MYOF: variants seen among roughly 807,000 people sequenced by gnomAD.
MYOF encodes the protein fer-1-like 3, myoferlin.
A neutral mutation model predicts 284.2 loss-of-function variants in MYOF; 244 were observed. That is an observed-to-expected ratio of 0.86 (90% CI 0.77 to 0.95). MYOF has a LOEUF of 0.95. Among genes scored for constraint, MYOF ranks in the 40% least tolerant of loss-of-function variants. The pLI, the probability that MYOF is intolerant of heterozygous loss-of-function variation, is 0.00. For missense variants in MYOF, 2,496 were observed against 2,560.6 expected (o/e 0.97, Z 0.54); for synonymous variants, 904 against 919.7 (o/e 0.98, Z 0.31).
chr10:93,413,540 C>T (rs1847990780), intron 5 of MYOF, among the ~76,000 whole-genome samples: 4 of 152,164 alleles, frequency 2.6e-5, no homozygotes, highest in Non-Finnish European at 5.9e-5. Context: ...GAATGTGATC[C>T]ACAGCCAAGT....
chr10:93,433,272 C>T (rs1227155204), intron 3 of MYOF, among the ~76,000 whole-genome samples: 1 of 152,194 alleles, frequency 6.6e-6, no homozygotes, highest in East Asian at 1.9e-4. Flanking sequence ...ATTCTCCTGC[C>T]TTAGCCCCTC....
intron 2 of MYOF, among the ~76,000 whole-genome samples, chr10:93,455,931 A>G (rs1463360833): frequency 2.0e-5 from 3 of 152,222 alleles, no homozygotes; most frequent in Non-Finnish European, 4.4e-5. Context: ...GAGAGAGAGT[A>G]GGAAAATCCT....
At chr10:93,438,017 C>T (rs925095631) in intron 3 of MYOF, among the ~76,000 whole-genome samples, 37 of 152,216 alleles carry the variant, frequency 2.4e-4, no homozygotes, top group African/African-American at 8.7e-4. Context: ...GAGAATCCTA[C>T]TCGGTCAGTT....
intron 28 of MYOF, among the ~76,000 whole-genome samples, chr10:93,360,266 A>G (rs1845005450): frequency 1.3e-5 from 2 of 152,210 alleles, no homozygotes; most frequent in Non-Finnish European, 2.9e-5. Context: ...ACAGTTCAAG[A>G]GGCAGGAAGA....
chr10:93,307,188 A>ACCCG (rs1842139235), intron 53 of MYOF, among the ~76,000 whole-genome samples, 187 bp from the exon 54 acceptor site: 3 of 112,058 alleles, frequency 2.7e-5, no homozygotes, highest in African/African-American at 9.2e-5. Flanking sequence ...TGCCAGTAGC[A>ACCCG]CCCCCCCGCC....
At chr10:93,383,786 A>C (rs1846232040) in intron 19 of MYOF, among the ~76,000 whole-genome samples, 2 of 152,208 alleles carry the variant, frequency 1.3e-5, no homozygotes, top group South Asian at 2.1e-4. Context: ...ACCGGTATTT[A>C]AGCCAGAGCC....
chr10:93,308,511 G>A (rs1842232340), intron 53 of MYOF, among the ~76,000 whole-genome samples: 1 of 148,194 alleles, frequency 6.7e-6, no homozygotes, highest in African/African-American at 2.5e-5. Context: ...CTTGAACCTG[G>A]GAGGCGGAGG....
rs142561946 is a variant in MYOF at position 93,449,890 on chromosome 10, C to T, written c.236+2160G>A. ...TCATCAAAGGCGAAGATGGGAGTGCCTATCAAAGCACTGTCCAGGGAGTCC... is the reference window on the plus strand; with the variant it reads ...TCATCAAAGGCGAAGATGGGAGTGCTTATCAAAGCACTGTCCAGGGAGTCC... On this transcript the variant is annotated intron_variant, in intron 3 of 53. Transcript: ENST00000359263. Among the ~76,000 whole-genome samples, 7 of 152,226 alleles carry T rather than the reference C, an allele frequency of 4.6e-5. No individual in the cohort carries two copies. The East Asian group carries it at 1.2e-3, about 25-fold the overall frequency.
chr10:93,354,393 A>G (rs1045331016), intron 31 of MYOF, among the ~76,000 whole-genome samples: 1 of 152,120 alleles, frequency 6.6e-6, no homozygotes, highest in East Asian at 1.9e-4. Context: ...CAAAAATCCT[A>G]TTTTTAAAAA....
intron 1 of MYOF, among the ~76,000 whole-genome samples, chr10:93,474,954 G>A (rs140811582): frequency 9.2e-5 from 14 of 152,232 alleles, no homozygotes; most frequent in African/African-American, 2.9e-4. Flanking sequence ...TCACCATGCT[G>A]GCCAGGCTGG....
Position 93,361,541 on chromosome 10 carries a change from G to C in MYOF, c.2885C>G (p.Ala962Gly), listed in dbSNP as rs1247730185. 3 of 1,614,078 alleles carry C rather than the reference G, an allele frequency of 1.9e-6. No individual in the cohort carries two copies. The East Asian group carries it at 6.7e-5, about 36-fold the overall frequency. ...AGGACAAGTCAACTCGCTGGGTGATGCTGCTTTATCGCCGTTCTTACAAAA... is the reference window on the plus strand; with the variant it reads ...AGGACAAGTCAACTCGCTGGGTGATCCTGCTTTATCGCCGTTCTTACAAAA... ...TYTDANGDKA[A>G]SPSELTCPPG... The change falls in exon 28 of 54, where the codon GCA (alanine) becomes GGA (glycine). Residue 962 changes from alanine to glycine, a missense_variant. This residue lies in a region of MYOF where 2,436 missense variants were observed against 2,480.7 expected (regional missense o/e 0.98). Coordinates refer to ENST00000359263, the MANE Select transcript of MYOF (RefSeq NM_013451.4).
chr10:93,401,221 C>G (rs1274570191), intron 12 of MYOF, among the ~76,000 whole-genome samples, 197 bp downstream of exon 12: 1 of 152,152 alleles, frequency 6.6e-6, no homozygotes, highest in Non-Finnish European at 1.5e-5. Flanking sequence ...GGAACATGAT[C>G]AGCAACCAAC....
chr10:93,430,415 C>T (rs1848789094), intron 4 of MYOF, among the ~76,000 whole-genome samples: 1 of 151,534 alleles, frequency 6.6e-6, no homozygotes, highest in Non-Finnish European at 1.5e-5. Context: ...AACTCCATCT[C>T]TACTAAAAAC....
chr10:93,333,809 C>A lies in MYOF; in HGVS notation c.4668G>T (p.Arg1556Ser). The change falls in exon 42 of 54, where the codon AGG (arginine) becomes AGT (serine). Residue 1556 changes from arginine to serine, a missense_variant. By Grantham distance (110) the Arg-to-Ser change is moderately radical (BLOSUM62 -1). Transcript: ENST00000359263. The stretch of plus-strand genomic sequence containing the variant: ...GCTCTAAGCCTCGAACAATGTAAAT[C>A]CTAACCGTGCATTCCTGTGGGACGC... ...PDSVPQECTV[R>S]IYIVRGLELQ... The A allele has an allele frequency of 6.2e-7, 1 of 1,614,172 alleles. No homozygotes were observed.
chr10:93,307,253 G>C (rs1842148474), intron 53 of MYOF, among the ~76,000 whole-genome samples: 1 of 151,900 alleles, frequency 6.6e-6, no homozygotes, highest in African/African-American at 2.4e-5. Flanking sequence ...CTTGGGGGTG[G>C]GGAGCAAAAA....
At chr10:93,335,518 G>A (rs1843556735) in intron 41 of MYOF, among the ~76,000 whole-genome samples, 1 of 152,198 alleles carries the variant, frequency 6.6e-6, no homozygotes, top group Non-Finnish European at 1.5e-5. Context: ...TGAAAGCATG[G>A]TAGGGGCAGT....
chr10:93,471,745 C>T (rs368004781), intron 1 of MYOF, among the ~76,000 whole-genome samples: 33 of 152,122 alleles, frequency 2.2e-4, no homozygotes, highest in African/African-American at 6.3e-4. Flanking sequence ...AAAAATTAGC[C>T]GGGCATTGTG....
intron 1 of MYOF, among the ~76,000 whole-genome samples, chr10:93,461,902 C>T (rs1371846615): frequency 6.6e-6 from 1 of 152,180 alleles, no homozygotes; most frequent in East Asian, 1.9e-4. Context: ...TGTTCCTGAA[C>T]ACATGATTCA....
At chr10:93,431,263 A>T in intron 4 of MYOF, 145 bp downstream of exon 4, 1 of 549,412 alleles carries the variant, frequency 1.8e-6, no homozygotes, top group Non-Finnish European at 3.2e-6. Flanking sequence ...TCCTGACCTC[A>T]GGTGATCCAC....
Sources: gnomAD v4.1 joint callset for allele counts (sites outside exome capture counted in the v4.1 genomes callset) on GRCh38, gnomAD v4.1.1 for gene constraint, gnomAD v4.1.1 regional missense constraint, MANE v1.5 for transcripts, NCBI Gene and HGNC (gene_info 2026-07-23, HGNC 2026-07-21) for gene names.